The following SEMA5A variants were observed in gnomAD, a reference collection of about 807,000 sequenced individuals.
SEMA5A encodes the protein semaphorin 5A, also known as semaphorin-5A.
SEMA5A carries 55 observed loss-of-function variants against 135.5 expected under a neutral mutation model. The ratio of observed to expected loss-of-function variants is 0.41; its 90% CI spans 0.33 to 0.51. The LOEUF (loss-of-function observed/expected upper bound fraction) is 0.51, where lower values mean the gene tolerates loss of function less well. Among genes scored for constraint, SEMA5A ranks in the 20% least tolerant of loss-of-function variants. SEMA5A has a pLI of 0.37. For missense variants in SEMA5A, 1,290 were observed against 1,419.9 expected (o/e 0.91, Z 1.47); for synonymous variants, 580 against 546.5 (o/e 1.06, Z -0.85).
chr5:9,096,590 G>GTT (rs1739328017), intron 16 of SEMA5A, among the ~76,000 whole-genome samples: 1 of 151,420 alleles, frequency 6.6e-6, no homozygotes, highest in African/African-American at 2.4e-5. Flanking sequence ...GTGTGTGTGT[G>GTT]TGTGTCCCAC....
chr5:9,293,904 T>G (rs968140714), intron 5 of SEMA5A, among the ~76,000 whole-genome samples: 1 of 152,164 alleles, frequency 6.6e-6, no homozygotes, highest in Non-Finnish European at 1.5e-5. Context: ...TAAACTAACA[T>G]AGAGAAAAGA....
At chr5:9,482,613 G>GAA (rs1268248974) in intron 1 of SEMA5A, among the ~76,000 whole-genome samples, 1 of 152,208 alleles carries the variant, frequency 6.6e-6, no homozygotes, top group African/African-American at 2.4e-5. Flanking sequence ...CTTACCTGTG[G>GAA]TGTGTGCCAA....
chr5:9,295,505 G>A (rs1262702723), intron 5 of SEMA5A, among the ~76,000 whole-genome samples: 1 of 152,108 alleles, frequency 6.6e-6, no homozygotes, highest in African/African-American at 2.4e-5. Flanking sequence ...TTGTCTAGGT[G>A]GTACATGGGA....
At chr5:9,158,790 C>G (rs1743091172) in intron 11 of SEMA5A, among the ~76,000 whole-genome samples, 1 of 152,126 alleles carries the variant, frequency 6.6e-6, no homozygotes, top group East Asian at 1.9e-4. Context: ...CTTTAAATAT[C>G]CATTAGTGTT....
At chr5:9,230,158 C>CTTTTTTT (rs5865817) in intron 6 of SEMA5A, among the ~76,000 whole-genome samples, 10 of 98,280 alleles carry the variant, frequency 1.0e-4, no homozygotes, top group Non-Finnish European at 1.6e-4. Context: ...CTATTTTTTT[C>CTTTTTTT]TTTTTTTTTT....
intron 5 of SEMA5A, among the ~76,000 whole-genome samples, chr5:9,252,635 G>A (rs889252585): frequency 2.6e-5 from 4 of 152,158 alleles, no homozygotes; most frequent in African/African-American, 9.7e-5. Flanking sequence ...TAAGCATGGA[G>A]GTCATCAAGC....
chr5:9,355,081 A>G (rs768400261), intron 3 of SEMA5A, among the ~76,000 whole-genome samples: 1 of 152,192 alleles, frequency 6.6e-6, no homozygotes, highest in South Asian at 2.1e-4. Context: ...AGGTCTGGAT[A>G]GTATTTTAGG....
intron 2 of SEMA5A, among the ~76,000 whole-genome samples, chr5:9,424,544 G>A (rs938123404): frequency 2.0e-5 from 3 of 152,056 alleles, no homozygotes; most frequent in South Asian, 2.1e-4. Context: ...ATCATTCCTC[G>A]ATAGCCCACA....
intron 18 of SEMA5A, among the ~76,000 whole-genome samples, chr5:9,062,479 C>T (rs963622131): frequency 5.9e-5 from 9 of 152,066 alleles, no homozygotes; most frequent in Non-Finnish European, 1.2e-4. Context: ...TGTTTATTTA[C>T]TTTTGAGACA....
chr5:9,129,335 C>T (rs993949978), intron 13 of SEMA5A, among the ~76,000 whole-genome samples: 9 of 152,208 alleles, frequency 5.9e-5, no homozygotes, highest in Non-Finnish European at 1.0e-4. Context: ...TGGCCATGGC[C>T]GGAGTAGTTG....
chr5:9,369,057 A>G (rs1755028282), intron 3 of SEMA5A, among the ~76,000 whole-genome samples: 2 of 152,238 alleles, frequency 1.3e-5, no homozygotes, highest in Admixed American at 6.5e-5. Flanking sequence ...TATCCTTGCC[A>G]ACACTTGGTA....
chr5:9,368,262 G>A (rs1281351696), intron 3 of SEMA5A, among the ~76,000 whole-genome samples: 1 of 152,146 alleles, frequency 6.6e-6, no homozygotes, highest in Non-Finnish European at 1.5e-5. Context: ...ATGCTTGGAC[G>A]TGATGCCCAA....
intron 15 of SEMA5A, among the ~76,000 whole-genome samples, chr5:9,114,824 G>A (rs974183691): frequency 1.3e-5 from 2 of 152,198 alleles, no homozygotes; most frequent in African/African-American, 4.8e-5. Flanking sequence ...GTCCTTTCAA[G>A]TACTGTTAGG....
intron 1 of SEMA5A, among the ~76,000 whole-genome samples, chr5:9,503,202 C>T (rs72729166): frequency 7.2e-5 from 11 of 152,274 alleles, no homozygotes; most frequent in African/African-American, 1.2e-4. Flanking sequence ...GGACTAGGTA[C>T]GCATAAGAGG....
intron 1 of SEMA5A, among the ~76,000 whole-genome samples, chr5:9,529,184 G>A (rs1737307172): frequency 1.3e-5 from 2 of 152,214 alleles, no homozygotes; most frequent in African/African-American, 2.4e-5. Context: ...CCCAACTGTG[G>A]CCGTGTGCTC....
intron 1 of SEMA5A, among the ~76,000 whole-genome samples, chr5:9,448,445 G>A (rs893102658): frequency 2.0e-5 from 3 of 152,168 alleles, no homozygotes; most frequent in Non-Finnish European, 2.9e-5. Context: ...CAGGGAGTTA[G>A]CCCCGCCCCT....
At chr5:9,203,647 C>T (rs1177379941) in intron 8 of SEMA5A, among the ~76,000 whole-genome samples, 1 of 152,180 alleles carries the variant, frequency 6.6e-6, no homozygotes, top group Non-Finnish European at 1.5e-5. Context: ...TCCAACTTTA[C>T]ATTTTAAAAA....
chr5:9,093,702 CA>C (rs1349282221), intron 16 of SEMA5A, among the ~76,000 whole-genome samples: 1 of 147,310 alleles, frequency 6.8e-6, no homozygotes, highest in African/African-American at 2.5e-5. Context: ...CAAAAAAAAA[CA>C]AAAAAACAAA....
intron 11 of SEMA5A, among the ~76,000 whole-genome samples, chr5:9,165,959 G>A (rs1320143771): frequency 6.6e-6 from 1 of 152,000 alleles, no homozygotes; most frequent in Non-Finnish European, 1.5e-5. Context: ...TAGAAAAGGA[G>A]AATTCAGAGA....
Sources: allele counts gnomAD v4.1 joint callset (sites outside exome capture counted in the v4.1 genomes callset), GRCh38; gene constraint gnomAD v4.1.1; transcripts MANE v1.5; gene names NCBI Gene and HGNC (gene_info 2026-07-23, HGNC 2026-07-21).